The following DENND2B variants were observed in gnomAD, a reference collection of about 807,000 sequenced individuals.
The protein encoded by DENND2B is DENN domain-containing protein 2B.
In DENND2B, 32 loss-of-function variants were observed where a neutral mutation model predicts 116.0. The ratio of observed to expected loss-of-function variants is 0.28; its 90% CI spans 0.21 to 0.37. The LOEUF is 0.37. Among genes scored for constraint, DENND2B ranks in the 10% least tolerant of loss-of-function variants. The probability of loss-of-function intolerance (pLI) is 1.00; values close to 1 mark genes in which losing one functional copy is unlikely to be tolerated. For synonymous variants in DENND2B, 588 were observed against 583.9 expected, an observed-to-expected ratio of 1.01 and a Z score of -0.10; for missense variants, 1,276 against 1,477.7, an observed-to-expected ratio of 0.86 and a Z score of 2.24.
intron 1 of DENND2B, among the ~76,000 whole-genome samples, chr11:8,797,882 A>C (rs546398255): frequency 6.6e-6 from 1 of 152,050 alleles, no homozygotes; most frequent in Non-Finnish European, 1.5e-5. Context: ...CATTCTAACA[A>C]TGATGACTTC....
chr11:8,779,863 A>G (rs1593579954), intron 1 of DENND2B, among the ~76,000 whole-genome samples: 1 of 152,164 alleles, frequency 6.6e-6, no homozygotes, highest in East Asian at 1.9e-4. Context: ...CTTGCATGTC[A>G]TGGAATGCAG....
Position 8,868,266 on chromosome 11 carries a change from A to T in DENND2B, c.-250+2688T>A, listed in dbSNP as rs777743897. On this transcript the variant is annotated intron_variant, in intron 2 of 6. Transcript: ENST00000524757. ...CTACATTTCCTTTTTGAACCTCCTC[A>T]TTAGGAATTATGACTTGCACATGAC... 1.6e-4 allele frequency among the ~76,000 whole-genome samples: 25 copies of T among 152,268 alleles called. 1 individual carries two copies. Among genetic ancestry groups the T allele is most frequent in the Admixed American group, 3.3e-4 (5 of 15,292 alleles).
chr11:8,774,334 T>C, intron 1 of DENND2B: 1 of 985,328 alleles, frequency 1.0e-6, no homozygotes, highest in Non-Finnish European at 1.2e-6. Flanking sequence ...TTATAGCAAG[T>C]TCTGACTAGT....
intron 4 of DENND2B, among the ~76,000 whole-genome samples, chr11:8,816,542 C>T (rs1416064551): frequency 1.4e-5 from 2 of 138,936 alleles, no homozygotes; most frequent in East Asian, 4.3e-4. Flanking sequence ...CAGAGCAAAA[C>T]TGTGTCTCAA....
At chr11:8,743,758 T>A (rs2050695672) in intron 2 of DENND2B, among the ~76,000 whole-genome samples, 1 of 151,882 alleles carries the variant, frequency 6.6e-6, no homozygotes. Context: ...TCTTCCTTTT[T>A]TTTTTTTTCT....
Position 8,730,496 on chromosome 11 carries a change from G to C in DENND2B, c.794C>G (p.Pro265Arg), listed in dbSNP as rs565989677. 3.1e-6 allele frequency: 5 copies of C among 1,612,436 alleles called. No homozygotes were observed. In the South Asian group the frequency reaches 5.5e-5, roughly 18 times the overall value. ...GCCATGCCCCCTGAGGAAGGCGCTG[G>C]GCTCACTCCGGCCCAGCCGTTTCTC... Reference protein sequence around the residue: ...RLEKRLGRSEPSAFLRGHGSR... With the variant: ...RLEKRLGRSERSAFLRGHGSR... The change falls in exon 3 of 20, where the codon CCC (proline) becomes CGC (arginine). Residue 265 changes from proline to arginine, a missense_variant. Pro to Arg is a moderately radical substitution (Grantham distance 103, BLOSUM62 -2). Around this residue, in one of 2 missense-constraint regions of DENND2B, gnomAD observed 856 missense variants for 846.6 expected, o/e 1.01. Transcript: ENST00000313726. The surrounding 1 kb of genome is among the most constrained non-coding windows in gnomAD (Gnocchi z 4.1).
chr11:8,730,553 G>A lies in DENND2B; in HGVS notation c.737C>T (p.Ala246Val), dbSNP rs1288674394. The A allele has an allele frequency of 1.2e-6, 2 of 1,613,088 alleles. No homozygotes were observed. The highest frequency in any genetic ancestry group is 1.7e-6 in the Non-Finnish European group (2 of 1,180,042). ...GTAGAAAGAGTCCCGGACAGGGAGC[G>A]CCTCTCCCTCCTCCTCAGTCTCTGG... ...SYPETEEEGE[A>V]LPVRDSFYRL... is the part of the protein sequence containing the mutation. Residue 246 changes from alanine (A) to valine (V), a missense_variant, in exon 3 of 20, where the codon GCG becomes GTG. Physicochemically the swap from Ala to Val is moderately conservative, Grantham distance 64 (BLOSUM62 0). Around this residue, in one of 2 missense-constraint regions of DENND2B, gnomAD observed 856 missense variants for 846.6 expected, o/e 1.01. Coordinates refer to ENST00000313726, the MANE Select transcript of DENND2B (RefSeq NM_213618.2). This position sits in a 1 kb window ranked among gnomAD's most constrained non-coding sequence, Gnocchi z 4.1.
intron 1 of DENND2B, chr11:8,871,236 C>G (rs1474871510): frequency 7.9e-6 from 1 of 127,276 alleles, no homozygotes; most frequent in African/African-American, 3.0e-5. Flanking sequence ...AAAGCCGCGC[C>G]GAGAGTGTGC....
upstream of DENND2B, among the ~76,000 whole-genome samples, chr11:8,872,965 A>C (rs543683191): frequency 4.3e-4 from 65 of 152,308 alleles, no homozygotes; most frequent in African/African-American, 1.5e-3. Flanking sequence ...ATTTGGATGA[A>C]CTTAGCCCTC....
At chr11:8,821,131 AAAATTAATT>A (rs2134544942) in intron 4 of DENND2B, among the ~76,000 whole-genome samples, 1 of 151,362 alleles carries the variant, frequency 6.6e-6, no homozygotes, top group South Asian at 2.1e-4. Flanking sequence ...AAAAAAAAAA[AAAATTAATT>A]AATTAATTTA....
chr11:8,706,138 A>C (rs141965446), intron 13 of DENND2B, among the ~76,000 whole-genome samples: 2 of 152,174 alleles, frequency 1.3e-5, no homozygotes, highest in African/African-American at 2.4e-5. Flanking sequence ...CCAGCTACTC[A>C]GGAGGCTGAA....
At chr11:8,769,282 G>A (rs893435763) in intron 1 of DENND2B, among the ~76,000 whole-genome samples, 2 of 148,672 alleles carry the variant, frequency 1.3e-5, no homozygotes, top group African/African-American at 5.0e-5. Context: ...TTGTCACCTA[G>A]GCTGGAGTGC....
intron 14 of DENND2B, 69 bp from the exon 15 acceptor site, chr11:8,699,459 A>C (rs2041093554): frequency 6.8e-7 from 1 of 1,474,834 alleles, no homozygotes. Context: ...CTGGAGGCTC[A>C]GGACAGCCTT....
intron 1 of DENND2B, among the ~76,000 whole-genome samples, chr11:8,762,658 T>C (rs1303571241): frequency 3.3e-5 from 5 of 152,046 alleles, no homozygotes; most frequent in African/African-American, 1.2e-4. Flanking sequence ...GTCGGGAGTT[T>C]GAGACCAGCC....
chr11:8,764,585 A>G (rs1158882413), intron 1 of DENND2B, among the ~76,000 whole-genome samples: 1 of 152,190 alleles, frequency 6.6e-6, no homozygotes, highest in Non-Finnish European at 1.5e-5. Context: ...ACCAGAGCAC[A>G]TTAGTCCTTT....
intron 2 of DENND2B, among the ~76,000 whole-genome samples, chr11:8,733,504 C>T (rs116755625): frequency 2.0e-5 from 3 of 152,216 alleles, no homozygotes; most frequent in African/African-American, 4.8e-5. Context: ...TTCATGTCCT[C>T]GTGAAGCTTA....
intron 1 of DENND2B, among the ~76,000 whole-genome samples, chr11:8,883,219 GC>G (rs2063921518): frequency 6.6e-6 from 1 of 151,990 alleles, no homozygotes; most frequent in Admixed American, 6.6e-5. Flanking sequence ...CAAAGAAAAG[GC>G]AAAAAGAGAT....
At chr11:8,802,520 A>T (rs1303547981) in intron 1 of DENND2B, among the ~76,000 whole-genome samples, 6 of 152,312 alleles carry the variant, frequency 3.9e-5, no homozygotes, top group Non-Finnish European at 8.8e-5. Context: ...CCAAGGTTAC[A>T]GAGCTATTAG....
intron 2 of DENND2B, among the ~76,000 whole-genome samples, chr11:8,749,419 C>T (rs2051924718): frequency 6.6e-6 from 1 of 152,198 alleles, no homozygotes; most frequent in Non-Finnish European, 1.5e-5. Context: ...AGTCAGTTTG[C>T]TTGGCTAAGT....
Sources: gnomAD v4.1 joint callset for allele counts (sites outside exome capture counted in the v4.1 genomes callset) on GRCh38, gnomAD v4.1.1 for gene constraint, gnomAD v4.1.1 regional missense constraint, Gnocchi (gnomAD v3.1) non-coding constraint, MANE v1.5 for transcripts, NCBI Gene and HGNC (gene_info 2026-07-23, HGNC 2026-07-21) for gene names.